Variants in GTF2E2 observed in about 807,000 individuals in gnomAD.
GTF2E2 encodes general transcription factor IIE subunit 2.
A neutral mutation model predicts 40.5 loss-of-function variants in GTF2E2; 21 were observed. That is an observed-to-expected ratio of 0.52 (90% CI 0.37 to 0.75). The LOEUF (loss-of-function observed/expected upper bound fraction) is 0.75, where lower values mean the gene tolerates loss of function less well. Ranked by LOEUF, GTF2E2 falls within the 30% of genes least tolerant of loss-of-function variation. GTF2E2 has a pLI of 0.00. For missense variants in GTF2E2, 298 were observed against 338.4 expected, an observed-to-expected ratio of 0.88 and a Z score of 0.94; for synonymous variants, 117 against 121.6, an observed-to-expected ratio of 0.96 and a Z score of 0.25.
chr8:30,602,906 C>T (rs1829223652), intron 6 of GTF2E2, among the ~76,000 whole-genome samples: 3 of 152,164 alleles, frequency 2.0e-5, no homozygotes, highest in Admixed American at 2.0e-4. Context: ...TATTCTGACC[C>T]TTGGCAAGGC....
intron 2 of GTF2E2, among the ~76,000 whole-genome samples, chr8:30,644,792 C>G (rs569426947): frequency 6.7e-6 from 1 of 150,286 alleles, no homozygotes. Context: ...TTCCCATTGT[C>G]CAGGCTAGAA....
At chr8:30,620,033 G>A (rs1481194407) in intron 3 of GTF2E2, among the ~76,000 whole-genome samples, 1 of 151,952 alleles carries the variant, frequency 6.6e-6, no homozygotes, top group African/African-American at 2.4e-5. Flanking sequence ...GAATGCAGGT[G>A]GCCTGTAGAA....
At chr8:30,615,142 G>A (rs922974352) in intron 3 of GTF2E2, among the ~76,000 whole-genome samples, 6 of 151,988 alleles carry the variant, frequency 3.9e-5, no homozygotes, top group Non-Finnish European at 7.4e-5. Flanking sequence ...AGCCGTGCAT[G>A]GTGGTGCATG....
intron 2 of GTF2E2, among the ~76,000 whole-genome samples, chr8:30,635,507 T>C (rs1801569465): frequency 6.6e-6 from 1 of 152,064 alleles, no homozygotes; most frequent in Non-Finnish European, 1.5e-5. Context: ...CTCAGCCTTC[T>C]GAGAGGCTGG....
At chr8:30,628,126 G>A (rs1475417611) in intron 3 of GTF2E2, among the ~76,000 whole-genome samples, 2 of 152,168 alleles carry the variant, frequency 1.3e-5, no homozygotes, top group Admixed American at 6.6e-5. Flanking sequence ...AAATTAAACA[G>A]TACTTTCTCC....
intron 3 of GTF2E2, among the ~76,000 whole-genome samples, 199 bp downstream of exon 3, chr8:30,634,833 T>C (rs1468891796): frequency 1.3e-5 from 2 of 152,206 alleles, no homozygotes; most frequent in African/African-American, 4.8e-5. Flanking sequence ...TAAATATGCT[T>C]TGGTAACTCG....
At chr8:30,656,649 A>G (rs1004233459) in intron 1 of GTF2E2, among the ~76,000 whole-genome samples, 1 of 152,102 alleles carries the variant, frequency 6.6e-6, no homozygotes, top group Non-Finnish European at 1.5e-5. Flanking sequence ...TCCATTAAAA[A>G]TTTAAAAAAT....
intron 3 of GTF2E2, among the ~76,000 whole-genome samples, chr8:30,627,930 T>A: frequency 6.6e-6 from 1 of 152,206 alleles, no homozygotes; most frequent in Non-Finnish European, 1.5e-5. Flanking sequence ...ATGAACCAGT[T>A]GAACAAGTTT....
intron 3 of GTF2E2, among the ~76,000 whole-genome samples, chr8:30,629,528 A>T (rs1801377979): frequency 6.6e-6 from 1 of 152,058 alleles, no homozygotes; most frequent in Non-Finnish European, 1.5e-5. Context: ...CTACTAAAAA[A>T]ATACAAAAAA....
intron 7 of GTF2E2, among the ~76,000 whole-genome samples, chr8:30,579,355 G>A (rs371630646): frequency 4.6e-5 from 7 of 152,182 alleles, no homozygotes; most frequent in African/African-American, 1.7e-4. Flanking sequence ...GTTTAAAAAC[G>A]TATCCACCAT....
intron 6 of GTF2E2, among the ~76,000 whole-genome samples, chr8:30,588,988 T>C (rs186233453): frequency 1.5e-4 from 23 of 152,296 alleles, no homozygotes; most frequent in Admixed American, 1.4e-3. Context: ...GCACAGTGGC[T>C]CACGCCTGTA....
chr8:30,591,268 T>C (rs1243366994), intron 6 of GTF2E2, among the ~76,000 whole-genome samples: 2 of 152,146 alleles, frequency 1.3e-5, no homozygotes, highest in East Asian at 3.9e-4. Flanking sequence ...GGAGGATTAC[T>C]TGAGGCCAGG....
At chr8:30,589,172 A>T (rs1828767196) in intron 6 of GTF2E2, among the ~76,000 whole-genome samples, 1 of 152,152 alleles carries the variant, frequency 6.6e-6, no homozygotes, top group Non-Finnish European at 1.5e-5. Flanking sequence ...CAGGAGAATC[A>T]CTTGAATCCA....
chr8:30,642,450 T>C (rs1045658412), intron 2 of GTF2E2, among the ~76,000 whole-genome samples: 1 of 152,222 alleles, frequency 6.6e-6, no homozygotes, highest in Non-Finnish European at 1.5e-5. Context: ...TTTTTATTTC[T>C]CTTTTTAAAA....
chr8:30,649,706 G>A (rs898675821), intron 2 of GTF2E2, among the ~76,000 whole-genome samples: 5 of 152,218 alleles, frequency 3.3e-5, no homozygotes, highest in South Asian at 2.1e-4. Flanking sequence ...TTAGCTGAGC[G>A]TGGTGGCACA....
rs1273346817 is a variant in GTF2E2 at position 30,578,767 on chromosome 8, T to C, written c.*154A>G. Reference sequence around the variant, plus strand: ...ATGAGCCCATTCTACTCAAATAAGCTTTGAGTTTGGTAATTTGCACTTGTT... The same window carrying C: ...ATGAGCCCATTCTACTCAAATAAGCCTTGAGTTTGGTAATTTGCACTTGTT... On this transcript the variant is annotated 3_prime_UTR_variant, in exon 8 of 8. Transcript: ENST00000355904. The C allele has an allele frequency of 5.2e-6, 3 of 581,092 alleles. No individual in the cohort carries two copies. The highest frequency in any genetic ancestry group is 9.4e-6 in the Non-Finnish European group (3 of 319,844). 36.0% of individuals were successfully genotyped at this position (581,092 alleles called of 1,614,324 possible).
intron 6 of GTF2E2, among the ~76,000 whole-genome samples, chr8:30,599,194 A>G (rs7008977): frequency 0.039 from 5,908 of 152,262 alleles, 392 homozygotes; most frequent in African/African-American, 0.13. Context: ...AAATATGTCT[A>G]TCTTTTGATC....
intron 1 of GTF2E2, among the ~76,000 whole-genome samples, chr8:30,655,939 T>G (rs990551563): frequency 1.3e-5 from 2 of 151,882 alleles, no homozygotes; most frequent in Non-Finnish European, 2.9e-5. Context: ...GCCTCCCGAG[T>G]AGCTGGGACT....
intron 2 of GTF2E2, chr8:30,645,620 A>C: frequency 6.6e-7 from 1 of 1,516,406 alleles, no homozygotes; most frequent in Non-Finnish European, 8.8e-7. Flanking sequence ...GATGAACAAA[A>C]TCTCTGAAAG....
Sources: allele counts gnomAD v4.1 joint callset (sites outside exome capture counted in the v4.1 genomes callset), GRCh38; gene constraint gnomAD v4.1.1; transcripts MANE v1.5; gene names NCBI Gene and HGNC (gene_info 2026-07-23, HGNC 2026-07-21).